PLCL2: variants seen among roughly 807,000 people sequenced by gnomAD.
The protein encoded by PLCL2 is inactive phospholipase C-like protein 2.
Under a neutral mutation model 79.6 loss-of-function variants are expected in PLCL2, and 4 were observed. The ratio of observed to expected loss-of-function variants is 0.05; its 90% confidence interval spans 0.02 to 0.11. The LOEUF is 0.11. PLCL2 is among the 10% of genes least tolerant of loss of function. The pLI, the probability that PLCL2 is intolerant of heterozygous loss-of-function variation, is 1.00. For missense variants in PLCL2, 895 were observed against 1,291.0 expected (o/e 0.69, Z 4.70); for synonymous variants, 484 against 457.7 (o/e 1.06, Z -0.73).
intron 1 of PLCL2, among the ~76,000 whole-genome samples, chr3:16,918,275 T>C (rs1481834818): frequency 6.6e-6 from 1 of 152,200 alleles, no homozygotes; most frequent in Admixed American, 6.5e-5. Flanking sequence ...CAATAGATAG[T>C]TTTTGTGCTT....
At chr3:16,972,662 A>C (rs979743130) in intron 1 of PLCL2, among the ~76,000 whole-genome samples, 5 of 152,098 alleles carry the variant, frequency 3.3e-5, no homozygotes, top group Admixed American at 2.0e-4. Context: ...TTGCTTTATG[A>C]ATCTGGGCGC....
intron 1 of PLCL2, among the ~76,000 whole-genome samples, chr3:16,912,917 G>T (rs141135508): frequency 6.6e-6 from 1 of 152,260 alleles, no homozygotes; most frequent in East Asian, 1.9e-4. Context: ...TGTTTCTGAT[G>T]CTGGTACCAG....
chr3:17,077,337 C>T (rs2065118128), intron 5 of PLCL2, among the ~76,000 whole-genome samples: 1 of 152,210 alleles, frequency 6.6e-6, no homozygotes. Flanking sequence ...AAACAGAATG[C>T]TCACTCCGTT....
Position 16,885,122 on chromosome 3 carries a change from T to G in PLCL2, c.83T>G (p.Leu28Arg). ...CCGGCCCTCGGCGCCAAGGGCGCCC[T>G]GAAAGCCGGAGTGGGGGAAGGCGGT... ...PGPALGAKGA[L>R]KAGVGEGGGG... The change falls in exon 1 of 6, where the codon CTG becomes CGG. Residue 28 changes from leucine to arginine, a missense_variant. Coordinates refer to ENST00000615277, the MANE Select transcript of PLCL2 (RefSeq NM_001144382.2). 2 of 469,242 alleles carry G rather than the reference T, an allele frequency of 4.3e-6. No homozygotes were observed. The highest frequency in any genetic ancestry group is 7.6e-6 in the Non-Finnish European group (2 of 264,386). The allele number at this position is 469,242 out of a possible 1,614,324, so 29.1% of individuals were successfully genotyped here.
chr3:17,058,597 T>TA (rs2064914567), intron 4 of PLCL2, among the ~76,000 whole-genome samples: 1 of 152,064 alleles, frequency 6.6e-6, no homozygotes, highest in Non-Finnish European at 1.5e-5. Context: ...CCTCCAAGTC[T>TA]AAAGTTTGGA....
intron 1 of PLCL2, among the ~76,000 whole-genome samples, chr3:16,891,680 A>G (rs1441038): frequency 6.6e-6 from 1 of 152,354 alleles, no homozygotes; most frequent in South Asian, 2.1e-4. Flanking sequence ...TTTTGCTGTG[A>G]CAAGATTATT....
chr3:17,003,323 G>A (rs577517807), intron 1 of PLCL2, among the ~76,000 whole-genome samples: 131 of 152,274 alleles, frequency 8.6e-4, no homozygotes, highest in African/African-American at 3.0e-3. Context: ...TGGGATTTGT[G>A]TTGCCATTGT....
At chr3:16,933,276 A>AAG (rs1316538505) in intron 1 of PLCL2, 1 of 154,804 alleles carries the variant, frequency 6.5e-6, no homozygotes, top group African/African-American at 2.4e-5. Context: ...AGCCTTGTTC[A>AAG]AGAGCACTGG....
At chr3:17,017,187 T>A (rs1228301712) in intron 3 of PLCL2, among the ~76,000 whole-genome samples, 1 of 152,178 alleles carries the variant, frequency 6.6e-6, no homozygotes, top group Non-Finnish European at 1.5e-5. Context: ...GTAACTCTTA[T>A]TTGCGTCTAA....
At chr3:16,895,733 C>T (rs553490557) in intron 1 of PLCL2, among the ~76,000 whole-genome samples, 96 of 152,200 alleles carry the variant, frequency 6.3e-4, no homozygotes, top group African/African-American at 2.2e-3. Flanking sequence ...TATAAAATAG[C>T]GTATCATACA....
chr3:16,965,917 T>C (rs1177941905), intron 1 of PLCL2, among the ~76,000 whole-genome samples: 4 of 152,222 alleles, frequency 2.6e-5, no homozygotes, highest in Non-Finnish European at 5.9e-5. Context: ...TAAGGAGATT[T>C]GGGGCTGAGA....
At chr3:16,924,905 T>C (rs1195472695) in intron 1 of PLCL2, among the ~76,000 whole-genome samples, 1 of 152,112 alleles carries the variant, frequency 6.6e-6, no homozygotes, top group African/African-American at 2.4e-5. Context: ...GTATGGAATT[T>C]AAATCTACAG....
rs527745739 is a variant in PLCL2 at position 16,945,058 on chromosome 3, C to A, written c.327+59692C>A. Among the ~76,000 whole-genome samples, 31 of 152,286 alleles carry A rather than the reference C, an allele frequency of 2.0e-4. 1 individual carries two copies. In the East Asian group the frequency reaches 5.8e-3, roughly 28 times the overall value. On this transcript the variant is annotated intron_variant, in intron 1 of 5. Coordinates refer to ENST00000615277, the MANE Select transcript of PLCL2 (RefSeq NM_001144382.2). ...TACAGGTGTGAGCCACTGTGCCCAG[C>A]CTATTCCAGATTTTTTTAAAGCACA... is the stretch of plus-strand genomic sequence containing the variant.
At chr3:16,926,733 G>A (rs866607175) in intron 1 of PLCL2, among the ~76,000 whole-genome samples, 9 of 151,680 alleles carry the variant, frequency 5.9e-5, no homozygotes, top group Middle Eastern at 3.4e-3. Flanking sequence ...CTGGATTCAC[G>A]CCATTCTCCT....
chr3:16,915,837 A>G (rs1696981593), intron 1 of PLCL2, among the ~76,000 whole-genome samples: 1 of 152,154 alleles, frequency 6.6e-6, no homozygotes. Flanking sequence ...TTGTGAAAGG[A>G]GAGAGAAGTA....
chr3:16,990,344 T>A (rs2064092657), intron 1 of PLCL2, among the ~76,000 whole-genome samples: 1 of 152,170 alleles, frequency 6.6e-6, no homozygotes, highest in Non-Finnish European at 1.5e-5. Flanking sequence ...CTTTTTCACT[T>A]AGGTACTCTA....
At chr3:17,014,129 C>A (rs980642313) in intron 2 of PLCL2, among the ~76,000 whole-genome samples, 6 of 152,252 alleles carry the variant, frequency 3.9e-5, no homozygotes, top group African/African-American at 1.2e-4. Flanking sequence ...GCATTGGGAT[C>A]AGCAGTGACA....
chr3:16,988,276 G>T lies in PLCL2; in HGVS notation c.328-21398G>T, dbSNP rs570399348. Reference sequence around the variant, plus strand: ...ATCTTTTTCTTTTAATTTGGTCGGGGTATATTTAGAACCAACAGAAACCAG... The same window carrying T: ...ATCTTTTTCTTTTAATTTGGTCGGGTTATATTTAGAACCAACAGAAACCAG... On this transcript the variant is annotated intron_variant, in intron 1 of 5. Transcript: ENST00000615277. Among the ~76,000 whole-genome samples the T allele has an allele frequency of 3.9e-5, 6 of 152,232 alleles. No homozygotes were observed. In the South Asian group the frequency reaches 1.2e-3, roughly 32 times the overall value.
At chr3:17,053,393 C>T (rs1292416515) in intron 4 of PLCL2, among the ~76,000 whole-genome samples, 2 of 152,104 alleles carry the variant, frequency 1.3e-5, no homozygotes, top group African/African-American at 2.4e-5. Flanking sequence ...TTCATGAGAA[C>T]TCTGCCCCAT....
Sources: allele counts gnomAD v4.1 joint callset (sites outside exome capture counted in the v4.1 genomes callset), GRCh38; gene constraint gnomAD v4.1.1; transcripts MANE v1.5; gene names NCBI Gene and HGNC (gene_info 2026-07-23, HGNC 2026-07-21).